Variants in KLHL29 observed in about 807,000 individuals in gnomAD.
KLHL29 encodes the protein kelch like family member 29, also known as kelch-like protein 29.
A neutral mutation model predicts 80.4 loss-of-function variants in KLHL29; 21 were observed. The ratio of observed to expected loss-of-function variants is 0.26; its 90% confidence interval spans 0.19 to 0.38. The LOEUF (loss-of-function observed/expected upper bound fraction) is 0.38. KLHL29 is among the 10% of genes least tolerant of loss of function. The pLI, the probability that KLHL29 is intolerant of heterozygous loss-of-function variation, is 1.00. For synonymous variants in KLHL29, 511 were observed against 526.8 expected, an observed-to-expected ratio of 0.97 and a Z score of 0.41; for missense variants, 867 against 1,223.9, an observed-to-expected ratio of 0.71 and a Z score of 4.35.
At chr2:23,662,727 C>T (rs1267034130) in intron 5 of KLHL29, among the ~76,000 whole-genome samples, 2 of 152,176 alleles carry the variant, frequency 1.3e-5, no homozygotes, top group African/African-American at 2.4e-5. Flanking sequence ...TCCCGAGCCA[C>T]CTCTCCCCAG....
chr2:23,690,972 GCCAGGCCCCAGGT>G (rs997141928), intron 6 of KLHL29: 2 of 153,258 alleles, frequency 1.3e-5, no homozygotes, highest in Non-Finnish European at 2.9e-5. Context: ...CCCGCCCCGG[GCCAGGCCCCAGGT>G]CATGGCTGCT....
In KLHL29 at chr2:23,695,090, G is replaced by T. The variant is rs890016272; in HGVS notation, c.1543-533G>T. On this transcript the variant is annotated intron_variant, in intron 8 of 13. Transcript: ENST00000486442. This position sits in a 1 kb window ranked among gnomAD's most constrained non-coding sequence, Gnocchi z 7.6. ...AAAACCACCTCAGTGCAGGGTGACA[G>T]TTTGAGGCCGTGGGACATGGGACAC... 6.6e-6 allele frequency among the ~76,000 whole-genome samples: 1 copy of T among 152,168 alleles called. No individual in the cohort carries two copies. Among genetic ancestry groups the T allele is most frequent in the African/African-American group, 2.4e-5 (1 of 41,420 alleles).
At chr2:23,493,089 T>C (rs1174267984) in intron 2 of KLHL29, among the ~76,000 whole-genome samples, 2 of 152,248 alleles carry the variant, frequency 1.3e-5, no homozygotes, top group East Asian at 3.8e-4. Flanking sequence ...CTCACAGCCC[T>C]GTCGTCTTTG....
chr2:23,478,993 C>T (rs925308136), intron 2 of KLHL29, among the ~76,000 whole-genome samples: 11 of 151,948 alleles, frequency 7.2e-5, no homozygotes, highest in Admixed American at 1.3e-4. Flanking sequence ...TTCCCTCCCT[C>T]GTGCCATGGA....
At position 23,498,459 on chromosome 2, in the gene KLHL29, C is replaced by T. The variant is rs138253573; in HGVS notation, c.-46+22792C>T. ...GCAGGAGACTACTACCTGGGGGCCT[C>T]GCCCTGCCCTCCCTGCCAAGCAGGG... On this transcript the variant is annotated intron_variant, in intron 2 of 13. Transcript: ENST00000486442. Among the ~76,000 whole-genome samples the T allele has an allele frequency of 2.1e-3, 327 of 152,324 alleles. 2 individuals carry two copies. Among genetic ancestry groups the T allele is most frequent in the African/African-American group, 7.4e-3 (309 of 41,576 alleles).
rs1672732939 is a variant in KLHL29 at position 23,706,471 on chromosome 2, C to T, written c.2445-10C>T. ...AAATGCCTAACTCTGTCCCCGCTTTCCCCCAACAGTGCTGTGGTGCTTGAT... is the reference window on the plus strand; with the variant it reads ...AAATGCCTAACTCTGTCCCCGCTTTTCCCCAACAGTGCTGTGGTGCTTGAT... On this transcript the variant is annotated splice_polypyrimidine_tract_variant and intron_variant, in intron 13 of 13. Coordinates refer to ENST00000486442, the MANE Select transcript of KLHL29 (RefSeq NM_052920.2). The T allele has an allele frequency of 1.4e-6, 2 of 1,476,750 alleles. No homozygotes were observed. The highest frequency in any genetic ancestry group is 1.4e-5 in the South Asian group (1 of 74,012). The allele number at this position is 1,476,750 out of a possible 1,614,324, so 91.5% of individuals were successfully genotyped here.
chr2:23,437,240 C>G (rs1663370399), intron 1 of KLHL29, among the ~76,000 whole-genome samples: 1 of 152,196 alleles, frequency 6.6e-6, no homozygotes, highest in Non-Finnish European at 1.5e-5. Flanking sequence ...CTGGGAGCAG[C>G]AGTTTATCTC....
intron 2 of KLHL29, among the ~76,000 whole-genome samples, chr2:23,515,161 G>A (rs959615608): frequency 2.6e-5 from 4 of 151,972 alleles, no homozygotes; most frequent in African/African-American, 9.7e-5. Context: ...GTCCCTCTTC[G>A]CATTTCTACC....
At chr2:23,691,989 C>G in intron 7 of KLHL29, 113 bp downstream of exon 7, 1 of 1,042,674 alleles carries the variant, frequency 9.6e-7, no homozygotes, top group Non-Finnish European at 1.4e-6. Flanking sequence ...CTGAAGCTCC[C>G]TCACATGTGG....
intron 5 of KLHL29, among the ~76,000 whole-genome samples, chr2:23,655,835 G>A (rs1670229725): frequency 6.6e-6 from 1 of 151,962 alleles, no homozygotes; most frequent in Non-Finnish European, 1.5e-5. Flanking sequence ...TGAGCAGAGT[G>A]AGTGCAGTCA....
chr2:23,643,095 A>G (rs1669822501), intron 5 of KLHL29: 1 of 654,522 alleles, frequency 1.5e-6, no homozygotes, highest in South Asian at 1.6e-5. Context: ...AGAGGAAGGA[A>G]GGGAGAGCCT....
chr2:23,641,448 C>T (rs556101831), intron 4 of KLHL29, among the ~76,000 whole-genome samples: 1 of 152,318 alleles, frequency 6.6e-6, no homozygotes, highest in East Asian at 1.9e-4. Flanking sequence ...GGCTCTAGCG[C>T]CCTCACCTGA....
chr2:23,701,194 C>CTCCTTTAGCACCAGCATCTCA (rs6146682), intron 11 of KLHL29, among the ~76,000 whole-genome samples: 2 of 151,910 alleles, frequency 1.3e-5, no homozygotes, highest in South Asian at 2.1e-4. Context: ...TGGCAACTAT[C>CTCCTTTAGCACCAGCATCTCA]TCAATGAGCA....
intron 2 of KLHL29, among the ~76,000 whole-genome samples, chr2:23,541,773 A>C (rs1243248441): frequency 7.5e-6 from 1 of 133,648 alleles, no homozygotes; most frequent in Non-Finnish European, 1.7e-5. Flanking sequence ...CCCAAAAAAC[A>C]AAAAAAAAAA....
chr2:23,566,968 C>T (rs1350697610), intron 3 of KLHL29, among the ~76,000 whole-genome samples: 1 of 152,206 alleles, frequency 6.6e-6, no homozygotes, highest in Non-Finnish European at 1.5e-5. Context: ...TGGCCTGTCC[C>T]CATCCCCTGT....
intron 1 of KLHL29, among the ~76,000 whole-genome samples, chr2:23,408,307 T>C (rs1325136618): frequency 7.5e-6 from 1 of 133,012 alleles, no homozygotes; most frequent in Non-Finnish European, 1.7e-5. Context: ...AAAAATTGAG[T>C]TTTTTTTTTA....
intron 2 of KLHL29, among the ~76,000 whole-genome samples, chr2:23,482,328 G>A (rs1474519673): frequency 6.6e-6 from 1 of 152,148 alleles, no homozygotes; most frequent in Non-Finnish European, 1.5e-5. Flanking sequence ...TTTTCTAAGA[G>A]GCCTGTCTCC....
chr2:23,627,717 G>A (rs1222806641), intron 3 of KLHL29, among the ~76,000 whole-genome samples: 2 of 76,338 alleles, frequency 2.6e-5, no homozygotes, highest in Admixed American at 1.8e-4. Context: ...TGAGGATGTC[G>A]TGTCAGGATT....
chr2:23,631,939 G>C (rs1031706824), intron 3 of KLHL29, among the ~76,000 whole-genome samples: 1 of 152,128 alleles, frequency 6.6e-6, no homozygotes, highest in Non-Finnish European at 1.5e-5. Flanking sequence ...GAATTTGAAC[G>C]CAAAGACTTT....
Sources: allele counts gnomAD v4.1 joint callset (sites outside exome capture counted in the v4.1 genomes callset), GRCh38; gene constraint gnomAD v4.1.1; non-coding constraint Gnocchi (gnomAD v3.1); transcripts MANE v1.5; gene names NCBI Gene and HGNC (gene_info 2026-07-23, HGNC 2026-07-21).